Variants in APPBP2 observed in about 807,000 individuals in gnomAD.
APPBP2 encodes amyloid protein-binding protein 2.
APPBP2 carries 15 observed loss-of-function variants against 76.0 expected under a neutral mutation model. That is an observed-to-expected ratio of 0.20 (90% CI 0.13 to 0.30). APPBP2 has a LOEUF of 0.30. APPBP2 is among the 10% of genes least tolerant of loss of function. The pLI is 1.00. For missense variants in APPBP2, 401 were observed against 687.2 expected, an observed-to-expected ratio of 0.58 and a Z score of 4.66; for synonymous variants, 222 against 242.2, an observed-to-expected ratio of 0.92 and a Z score of 0.77.
chr17:60,518,176 C>T (rs1487898639), intron 1 of APPBP2, among the ~76,000 whole-genome samples: 1 of 150,772 alleles, frequency 6.6e-6, no homozygotes, highest in Admixed American at 6.7e-5. Flanking sequence ...TGCCAAGTAA[C>T]TGGCACTACA....
intron 1 of APPBP2, among the ~76,000 whole-genome samples, chr17:60,516,184 A>C (rs578073541): frequency 2.0e-5 from 3 of 152,170 alleles, no homozygotes; most frequent in East Asian, 3.9e-4. Context: ...ACAAAAAAAA[A>C]ACAAACAAAA....
At chr17:60,483,963 C>T (rs1484603108) in intron 3 of APPBP2, among the ~76,000 whole-genome samples, 1 of 151,916 alleles carries the variant, frequency 6.6e-6, no homozygotes, top group African/African-American at 2.4e-5. Flanking sequence ...GCCAGTTTTC[C>T]CAGCACCATT....
At chr17:60,483,229 T>C (rs1256117977) in intron 3 of APPBP2, among the ~76,000 whole-genome samples, 1 of 152,226 alleles carries the variant, frequency 6.6e-6, no homozygotes, top group African/African-American at 2.4e-5. Flanking sequence ...ATGTCTTCTT[T>C]TGAGAAGTGT....
chr17:60,452,895 C>T (rs1179577444), intron 11 of APPBP2, among the ~76,000 whole-genome samples: 1 of 152,164 alleles, frequency 6.6e-6, no homozygotes, highest in African/African-American at 2.4e-5. Flanking sequence ...GATCACACCA[C>T]TGTACTACGG....
chr17:60,516,739 C>T (rs971592606), intron 1 of APPBP2, among the ~76,000 whole-genome samples: 1 of 152,096 alleles, frequency 6.6e-6, no homozygotes, highest in Non-Finnish European at 1.5e-5. Context: ...TGTTTATGTT[C>T]AGTTTTAGTA....
chr17:60,477,999 T>C (rs1490257410), intron 4 of APPBP2, among the ~76,000 whole-genome samples: 6 of 151,452 alleles, frequency 4.0e-5, no homozygotes, highest in Admixed American at 1.3e-4. Flanking sequence ...AAAAAATATA[T>C]TTAAAAAAAA....
chr17:60,503,872 G>T (rs1231990264), intron 1 of APPBP2, among the ~76,000 whole-genome samples: 1 of 130,524 alleles, frequency 7.7e-6, no homozygotes, highest in Non-Finnish European at 1.5e-5. Context: ...CATATAATTA[G>T]GATGGGCAAA....
In APPBP2 at chr17:60,526,146, C is replaced by T. The variant is rs2091053640; in HGVS notation, c.-215G>A. 3.6e-6 allele frequency: 2 copies of T among 563,180 alleles called. No individual in the cohort carries two copies. Among genetic ancestry groups the T allele is most frequent in the Non-Finnish European group, 6.4e-6 (2 of 314,502 alleles). The allele number at this position is 563,180 out of a possible 1,614,324, so 34.9% of individuals were successfully genotyped here. ...CCCGAGTAAAAAGTGGGACAGAAAACAGCGGCCAGCCAGGCCAAAAGCGTC... is the reference window on the plus strand; with the variant it reads ...CCCGAGTAAAAAGTGGGACAGAAAATAGCGGCCAGCCAGGCCAAAAGCGTC... On this transcript the variant is annotated 5_prime_UTR_variant, in exon 1 of 13. Coordinates refer to ENST00000083182, the MANE Select transcript of APPBP2 (RefSeq NM_006380.5).
At chr17:60,498,662 A>T (rs545186439) in intron 2 of APPBP2, among the ~76,000 whole-genome samples, 1 of 151,760 alleles carries the variant, frequency 6.6e-6, no homozygotes, top group Non-Finnish European at 1.5e-5. Context: ...ATACTGGGGG[A>T]AAAAAAAGCC....
intron 2 of APPBP2, among the ~76,000 whole-genome samples, chr17:60,495,109 C>T (rs1340139315): frequency 6.6e-6 from 1 of 150,862 alleles, no homozygotes; most frequent in Admixed American, 6.6e-5. Flanking sequence ...CTCAGCCTCC[C>T]AAGTAGCTGG....
chr17:60,525,689 T>A, intron 1 of APPBP2, 105 bp downstream of exon 1: 2 of 1,534,502 alleles, frequency 1.3e-6, no homozygotes, highest in Non-Finnish European at 1.8e-6. Context: ...GAGGCAAGTC[T>A]GCCGGAAGGG....
chr17:60,468,916 T>C (rs774318987), intron 4 of APPBP2, among the ~76,000 whole-genome samples: 1 of 152,112 alleles, frequency 6.6e-6, no homozygotes, highest in Non-Finnish European at 1.5e-5. Context: ...TACAAATGTG[T>C]AAGTCATTAG....
In APPBP2 at chr17:60,447,578, C is replaced by A. The variant is rs532085798; in HGVS notation, c.*3G>T. Reference sequence around the variant, plus strand: ...AAGGTAATTGGTTAACTGAGGTCCTCCCTCAGCAGCTCGGTCCCTCGACAT... The same window carrying A: ...AAGGTAATTGGTTAACTGAGGTCCTACCTCAGCAGCTCGGTCCCTCGACAT... On this transcript the variant is annotated 3_prime_UTR_variant, in exon 13 of 13. Coordinates refer to ENST00000083182, the MANE Select transcript of APPBP2 (RefSeq NM_006380.5). 1 of 1,607,140 alleles carries A rather than the reference C, an allele frequency of 6.2e-7. No individual in the cohort carries two copies. Among genetic ancestry groups the A allele is most frequent in the South Asian group, 1.1e-5 (1 of 90,392 alleles).
chr17:60,520,393 TA>T (rs918191983), intron 1 of APPBP2, among the ~76,000 whole-genome samples: 22 of 151,926 alleles, frequency 1.4e-4, no homozygotes, highest in Non-Finnish European at 2.8e-4. Context: ...GCCAACATGG[TA>T]AAACCCCATC....
intron 4 of APPBP2, among the ~76,000 whole-genome samples, chr17:60,467,924 T>C (rs1415124841): frequency 2.6e-5 from 4 of 152,062 alleles, no homozygotes; most frequent in Non-Finnish European, 5.9e-5. Flanking sequence ...TAAAAGATTA[T>C]GTAAAGAGAA....
chr17:60,510,547 C>T (rs1370706248), intron 1 of APPBP2, among the ~76,000 whole-genome samples: 1 of 151,462 alleles, frequency 6.6e-6, no homozygotes, highest in Non-Finnish European at 1.5e-5. Flanking sequence ...CATAGGGAGA[C>T]CCCCATCACT....
At chr17:60,495,507 T>C (rs2090768603) in intron 2 of APPBP2, among the ~76,000 whole-genome samples, 1 of 151,646 alleles carries the variant, frequency 6.6e-6, no homozygotes, top group Non-Finnish European at 1.5e-5. Flanking sequence ...GGTCCTGCTC[T>C]GTCATCCAGG....
intron 2 of APPBP2, 46 bp from the exon 3 acceptor site, chr17:60,494,663 C>T: frequency 6.7e-7 from 1 of 1,499,552 alleles, no homozygotes; most frequent in Non-Finnish European, 8.9e-7. Context: ...ATTTATTTTT[C>T]TCCTTTTAGA....
chr17:60,513,853 G>GAC (rs1555636184), intron 1 of APPBP2, among the ~76,000 whole-genome samples: 1 of 133,486 alleles, frequency 7.5e-6, no homozygotes, highest in African/African-American at 3.1e-5. Flanking sequence ...CTCCATCTCA[G>GAC]AAAAAAAAAA....
Sources: allele counts gnomAD v4.1 joint callset (sites outside exome capture counted in the v4.1 genomes callset), GRCh38; gene constraint gnomAD v4.1.1; transcripts MANE v1.5; gene names NCBI Gene and HGNC (gene_info 2026-07-23, HGNC 2026-07-21).